HAT1: variants seen among roughly 807,000 people sequenced by gnomAD.
HAT1 encodes histone acetyltransferase 1.
In HAT1, 20 loss-of-function variants were observed where a neutral mutation model predicts 56.6. That is an observed-to-expected ratio of 0.35 (90% confidence interval 0.25 to 0.51). The LOEUF is 0.51. Ranked by LOEUF, HAT1 falls within the 20% of genes least tolerant of loss-of-function variation. The pLI is 0.95. For missense variants in HAT1, 408 were observed against 504.3 expected, an observed-to-expected ratio of 0.81 and a Z score of 1.83; for synonymous variants, 146 against 165.5, an observed-to-expected ratio of 0.88 and a Z score of 0.91.
At chr2:171,961,006 G>A (rs1305782066) in intron 4 of HAT1, among the ~76,000 whole-genome samples, 1 of 152,172 alleles carries the variant, frequency 6.6e-6, no homozygotes, top group Non-Finnish European at 1.5e-5. Context: ...GCCAGGTGTT[G>A]TGGTGCGTGC....
intron 3 of HAT1, among the ~76,000 whole-genome samples, chr2:171,952,405 A>G (rs1288177717): frequency 6.6e-6 from 1 of 152,224 alleles, no homozygotes; most frequent in Non-Finnish European, 1.5e-5. Context: ...AGAGCAGTTT[A>G]CATGTAGTAA....
chr2:171,924,076 C>G (rs969495265), intron 1 of HAT1: 2 of 152,172 alleles, frequency 1.3e-5, no homozygotes, highest in African/African-American at 4.8e-5. Flanking sequence ...TCACTCCAGA[C>G]TATTAATCTG....
At chr2:171,948,255 C>T (rs1465047314) in intron 3 of HAT1, among the ~76,000 whole-genome samples, 3 of 152,102 alleles carry the variant, frequency 2.0e-5, no homozygotes, top group Non-Finnish European at 2.9e-5. Flanking sequence ...TACAGAGTCT[C>T]GCGTTGTTGC....
chr2:171,940,716 A>G (rs1158702460), intron 2 of HAT1, among the ~76,000 whole-genome samples: 2 of 152,096 alleles, frequency 1.3e-5, no homozygotes, highest in Non-Finnish European at 2.9e-5. Context: ...GCAGTTTTGA[A>G]GGTTTTGTGG....
At chr2:171,933,100 G>T (rs1043993833) in intron 2 of HAT1, among the ~76,000 whole-genome samples, 1 of 151,966 alleles carries the variant, frequency 6.6e-6, no homozygotes, top group East Asian at 1.9e-4. Flanking sequence ...CTCTGTTGCC[G>T]AGGCTGGAGT....
At chr2:171,969,996 AT>A (rs1396904294) in intron 8 of HAT1, among the ~76,000 whole-genome samples, 1 of 151,890 alleles carries the variant, frequency 6.6e-6, no homozygotes, top group South Asian at 2.1e-4. Context: ...CTATAAAAAA[AT>A]TTTTTTTAAT....
intron 2 of HAT1, among the ~76,000 whole-genome samples, chr2:171,928,207 C>A (rs1216242601): frequency 6.6e-6 from 1 of 152,136 alleles, no homozygotes; most frequent in Non-Finnish European, 1.5e-5. Flanking sequence ...ATTTTAAAGC[C>A]AAGATTCGGG....
intron 8 of HAT1, among the ~76,000 whole-genome samples, chr2:171,973,279 C>A (rs2105342034): frequency 6.6e-6 from 1 of 151,964 alleles, no homozygotes; most frequent in South Asian, 2.1e-4. Flanking sequence ...GCACCTCAAC[C>A]ACATATGAGT....
intron 8 of HAT1, among the ~76,000 whole-genome samples, chr2:171,974,647 C>T (rs1481619840): frequency 2.0e-5 from 3 of 152,164 alleles, no homozygotes; most frequent in Non-Finnish European, 2.9e-5. Flanking sequence ...ATGCCTTGCT[C>T]CCAGTTTTAG....
chr2:171,948,742 G>C (rs1269221239), intron 3 of HAT1, among the ~76,000 whole-genome samples: 1 of 152,150 alleles, frequency 6.6e-6, no homozygotes, highest in African/African-American at 2.4e-5. Flanking sequence ...TAATTTTGTA[G>C]AACTGTTATA....
chr2:171,922,673 G>A, intron 1 of HAT1, 166 bp downstream of exon 1: 1 of 494,098 alleles, frequency 2.0e-6, no homozygotes, highest in Non-Finnish European at 3.3e-6. Flanking sequence ...GCAGCTCCTT[G>A]TTGGCGGCGG....
intron 10 of HAT1, 136 bp from the exon 11 acceptor site, chr2:171,983,048 AC>A: frequency 6.3e-5 from 33 of 521,088 alleles, no homozygotes; most frequent in East Asian, 2.5e-4. Context: ...ACAAAACAAA[AC>A]AAAAAAAAAA....
intron 2 of HAT1, among the ~76,000 whole-genome samples, chr2:171,927,453 A>T (rs1309058030): frequency 1.3e-5 from 2 of 152,056 alleles, no homozygotes; most frequent in Non-Finnish European, 2.9e-5. Flanking sequence ...TTTTTTTTAC[A>T]TGTCCCCTCA....
At chr2:171,954,340 A>T (rs1467166223) in intron 4 of HAT1, among the ~76,000 whole-genome samples, 3 of 152,200 alleles carry the variant, frequency 2.0e-5, no homozygotes, top group African/African-American at 7.2e-5. Context: ...GATCAAGCTG[A>T]TCACATTATA....
intron 8 of HAT1, among the ~76,000 whole-genome samples, chr2:171,973,400 CAA>C (rs67088559): frequency 1.8e-4 from 24 of 133,598 alleles, no homozygotes; most frequent in East Asian, 8.5e-4. Flanking sequence ...CCAATTTCTG[CAA>C]AAAAAAAAAA....
At chr2:171,950,742 G>A (rs1322668948) in intron 3 of HAT1, among the ~76,000 whole-genome samples, 2 of 151,620 alleles carry the variant, frequency 1.3e-5, no homozygotes, top group African/African-American at 4.9e-5. Flanking sequence ...GACCTCAGGT[G>A]ATCCACCTGC....
intron 4 of HAT1, among the ~76,000 whole-genome samples, chr2:171,956,178 T>TAAA (rs71013096): frequency 4.2e-4 from 39 of 92,830 alleles, no homozygotes; most frequent in East Asian, 1.2e-3. Flanking sequence ...ACCCTGTCTT[T>TAAA]AAAAAAAAAA....
In HAT1 at chr2:171,924,480, AC is replaced by A. The variant is rs1686529958; in HGVS notation, c.8-1055del. ...AGTGCTGAAATTACAGGCGTGAGCC[AC>A]CGCGCCCAGCCCATTTTTACTAATC... On this transcript the variant is annotated intron_variant, in intron 1 of 10. Coordinates refer to ENST00000264108, the MANE Select transcript of HAT1 (RefSeq NM_003642.4). The A allele has an allele frequency of 2.0e-5, 3 of 152,312 alleles. No individual in the cohort carries two copies. In the East Asian group the frequency reaches 5.8e-4, roughly 29 times the overall value. 9.4% of individuals were successfully genotyped at this position (152,312 alleles called of 1,614,324 possible).
At chr2:171,954,215 A>T (rs2105326386) in intron 4 of HAT1, among the ~76,000 whole-genome samples, 1 of 152,256 alleles carries the variant, frequency 6.6e-6, no homozygotes, top group East Asian at 1.9e-4. Context: ...AGATGGAGGG[A>T]AATAGCTAAA....
Sources: allele counts gnomAD v4.1 joint callset (sites outside exome capture counted in the v4.1 genomes callset), GRCh38; gene constraint gnomAD v4.1.1; transcripts MANE v1.5; gene names NCBI Gene and HGNC (gene_info 2026-07-23, HGNC 2026-07-21).